MECOM: variants seen among roughly 807,000 people sequenced by gnomAD.
MECOM encodes MDS1 and EVI1 complex locus.
In MECOM, 13 loss-of-function variants were observed where a neutral mutation model predicts 116.3. The observed-to-expected ratio is 0.11, with a 90% CI of 0.07 to 0.18. The LOEUF is 0.18. MECOM is among the 10% of genes least tolerant of loss of function. The pLI is 1.00. For synonymous variants in MECOM, 528 were observed against 535.2 expected (o/e 0.99, Z 0.19); for missense variants, 1,299 against 1,509.0 (o/e 0.86, Z 2.31).
At position 169,101,942 on chromosome 3, in the gene MECOM, T is replaced by A. The variant is rs1032639136; in HGVS notation, c.2771+118A>T. On this transcript the variant is annotated intron_variant, in intron 11 of 16. Coordinates refer to ENST00000651503, the MANE Select transcript of MECOM (RefSeq NM_004991.4). ...GAAGAACACTTTGAAGTGCTGGAGA[T>A]CTATTATGGTGGCTATTAATCATCT... 12 of 871,302 alleles carry A rather than the reference T, an allele frequency of 1.4e-5. No individual in the cohort carries two copies. The African/African-American group carries it at 2.0e-4, about 15-fold the overall frequency. 54.0% of individuals were successfully genotyped at this position (871,302 alleles called of 1,614,324 possible). A position where few individuals can be genotyped will look rare whatever the true frequency, so the allele number is the denominator to read the frequency against.
chr3:169,662,296 G>T (rs944742669), intron 1 of MECOM, among the ~76,000 whole-genome samples: 1 of 152,190 alleles, frequency 6.6e-6, no homozygotes, highest in African/African-American at 2.4e-5. Flanking sequence ...CAGACGAAGC[G>T]CCGGAGGCTG....
rs531461731 is a variant in MECOM at position 169,528,473 on chromosome 3, C to T, written c.37+134863G>A. ...ATTGACAAAGATAATAAATAACTCA[C>T]ATTTGAATCATAAGTCTCCTTTAAA... On this transcript the variant is annotated intron_variant, in intron 1 of 16. Coordinates refer to ENST00000651503, the MANE Select transcript of MECOM (RefSeq NM_004991.4). Among the ~76,000 whole-genome samples, 3 of 152,302 alleles carry T rather than the reference C, an allele frequency of 2.0e-5. No individual in the cohort carries two copies. In the South Asian group the frequency reaches 6.2e-4, roughly 32 times the overall value.
intron 1 of MECOM, among the ~76,000 whole-genome samples, chr3:169,576,185 C>T (rs1489381907): frequency 6.6e-6 from 1 of 152,096 alleles, no homozygotes; most frequent in Admixed American, 6.5e-5. Flanking sequence ...CCCCAGGCAC[C>T]AGAAGAACAA....
At chr3:169,151,165 T>C (rs1418267998) in intron 2 of MECOM, among the ~76,000 whole-genome samples, 2 of 152,184 alleles carry the variant, frequency 1.3e-5, no homozygotes, top group Non-Finnish European at 2.9e-5. Flanking sequence ...CCTATGGGCA[T>C]GGTACATTCC....
At position 169,415,161 on chromosome 3, in the gene MECOM, C is replaced by T. The variant is rs151251530; in HGVS notation, c.38-33637G>A. 6.3e-3 allele frequency among the ~76,000 whole-genome samples: 952 copies of T among 152,270 alleles called. 14 individuals carry two copies. The highest frequency in any genetic ancestry group is 0.022 in the African/African-American group (897 of 41,538). On this transcript the variant is annotated intron_variant, in intron 1 of 16. Transcript: ENST00000651503. ...AGGTCAGGTTACACACAAACAGAAG[C>T]CCATCAGACTAACAGTGGATCTCTC...
intron 1 of MECOM, among the ~76,000 whole-genome samples, chr3:169,604,208 A>T (rs1239278671): frequency 6.6e-6 from 1 of 152,122 alleles, no homozygotes; most frequent in Non-Finnish European, 1.5e-5. Context: ...TTAAATATAC[A>T]AAAGAGAGAG....
intron 2 of MECOM, among the ~76,000 whole-genome samples, chr3:169,374,387 A>C (rs1222723482): frequency 1.3e-5 from 2 of 151,988 alleles, no homozygotes; most frequent in African/African-American, 4.8e-5. Flanking sequence ...TGACTAATAC[A>C]GTCTGCTTAT....
At chr3:169,615,506 A>G (rs534899860) in intron 1 of MECOM, among the ~76,000 whole-genome samples, 2 of 152,326 alleles carry the variant, frequency 1.3e-5, no homozygotes, top group African/African-American at 4.8e-5. Flanking sequence ...ACTCAGTGAA[A>G]CTTGTCCACC....
chr3:169,602,892 A>G (rs768309247), intron 1 of MECOM, among the ~76,000 whole-genome samples: 14 of 152,172 alleles, frequency 9.2e-5, no homozygotes, highest in Middle Eastern at 3.4e-3. Flanking sequence ...ACATACCACC[A>G]ATTTTCTCCA....
chr3:169,523,079 T>C (rs1051630775), intron 1 of MECOM, among the ~76,000 whole-genome samples: 1 of 152,226 alleles, frequency 6.6e-6, no homozygotes, highest in Non-Finnish European at 1.5e-5. Flanking sequence ...GTCAGCCCAG[T>C]GGAGATCTTT....
intron 2 of MECOM, among the ~76,000 whole-genome samples, chr3:169,170,808 A>G (rs780134826): frequency 3.3e-5 from 5 of 152,202 alleles, no homozygotes; most frequent in Non-Finnish European, 7.4e-5. Context: ...CTATTAACCC[A>G]TTTAAAAGTG....
At chr3:169,298,240 G>A (rs1278199897) in intron 2 of MECOM, among the ~76,000 whole-genome samples, 1 of 151,958 alleles carries the variant, frequency 6.6e-6, no homozygotes, top group Non-Finnish European at 1.5e-5. Context: ...GAATAAAACA[G>A]AATGGAAATC....
chr3:169,273,482 A>G (rs1759194871), intron 2 of MECOM, among the ~76,000 whole-genome samples: 2 of 151,974 alleles, frequency 1.3e-5, no homozygotes, highest in Non-Finnish European at 2.9e-5. Flanking sequence ...AAGGAATTCA[A>G]CCTCCCCCAT....
chr3:169,539,509 C>G (rs1759802635), intron 1 of MECOM, among the ~76,000 whole-genome samples: 1 of 152,204 alleles, frequency 6.6e-6, no homozygotes, highest in South Asian at 2.1e-4. Context: ...CTTCCAGTGT[C>G]TGTCTATGTT....
intron 12 of MECOM, among the ~76,000 whole-genome samples, chr3:169,097,817 T>TTAAAAAAAAAA (rs1722127820): frequency 1.1e-5 from 1 of 87,194 alleles, no homozygotes; most frequent in Non-Finnish European, 2.2e-5. Flanking sequence ...ACTGTCTATA[T>TTAAAAAAAAAA]AAAAAAAAAA....
intron 2 of MECOM, among the ~76,000 whole-genome samples, chr3:169,321,616 C>G (rs1240730190): frequency 6.6e-6 from 1 of 151,948 alleles, no homozygotes; most frequent in Admixed American, 6.6e-5. Flanking sequence ...AAGAAGGTAG[C>G]TAAACAAAGC....
In MECOM at chr3:169,507,746, C is replaced by T. The variant is rs1755441780; in HGVS notation, c.38-126222G>A. Among the ~76,000 whole-genome samples, 5 of 146,058 alleles carry T rather than the reference C, an allele frequency of 3.4e-5. No homozygotes were observed. The South Asian group carries it at 1.1e-3, about 32-fold the overall frequency. ...GCGCGATCTCGGCTCACTGCAAGCT[C>T]CGCCTCCCGGGTTCACGCCATTCTC... On this transcript the variant is annotated intron_variant, in intron 1 of 16. Transcript: ENST00000651503.
intron 1 of MECOM, among the ~76,000 whole-genome samples, chr3:169,471,349 T>C (rs1432843876): frequency 1.5e-5 from 2 of 137,032 alleles, no homozygotes; most frequent in Non-Finnish European, 3.1e-5. Context: ...CTTTTCTTTC[T>C]AAGTTTACCT....
At chr3:169,496,698 T>C (rs1278805470) in intron 1 of MECOM, among the ~76,000 whole-genome samples, 1 of 152,242 alleles carries the variant, frequency 6.6e-6, no homozygotes, top group Non-Finnish European at 1.5e-5. Context: ...CCTCAGAGCA[T>C]GGTTGGACCT....
Sources: gnomAD v4.1 joint callset for allele counts (sites outside exome capture counted in the v4.1 genomes callset) on GRCh38, gnomAD v4.1.1 for gene constraint, MANE v1.5 for transcripts, NCBI Gene and HGNC (gene_info 2026-07-23, HGNC 2026-07-21) for gene names.